PLCE1: variants seen among roughly 807,000 people sequenced by gnomAD.
The protein encoded by PLCE1 is 1-phosphatidylinositol 4,5-bisphosphate phosphodiesterase epsilon-1.
A neutral mutation model predicts 242.8 loss-of-function variants in PLCE1; 119 were observed. That is an observed-to-expected ratio of 0.49 (90% CI 0.42 to 0.57). The LOEUF is 0.57. Ranked by LOEUF, PLCE1 falls within the 20% of genes least tolerant of loss-of-function variation. PLCE1 has a pLI of 0.00. For missense variants in PLCE1, 2,441 were observed against 2,788.8 expected (o/e 0.88, Z 2.81); for synonymous variants, 945 against 1,017.4 (o/e 0.93, Z 1.35).
chr10:94,183,916 A>G (rs544489757), intron 4 of PLCE1, among the ~76,000 whole-genome samples: 134 of 152,240 alleles, frequency 8.8e-4, no homozygotes, highest in African/African-American at 3.1e-3. Flanking sequence ...GCACTAAGCT[A>G]TTCATAAGGG....
intron 23 of PLCE1, among the ~76,000 whole-genome samples, chr10:94,296,447 C>G (rs569767774): frequency 7.2e-5 from 11 of 151,962 alleles, no homozygotes; most frequent in African/African-American, 2.7e-4. Context: ...GAATAACTTA[C>G]TGTAGCTTCT....
At chr10:94,089,503 A>G in intron 2 of PLCE1, 1 of 601,896 alleles carries the variant, frequency 1.7e-6, no homozygotes, top group Non-Finnish European at 2.6e-6. Context: ...CATTTTACAA[A>G]GAAGATCAGA....
intron 19 of PLCE1, chr10:94,279,324 T>G (rs1427239085): frequency 1.2e-5 from 2 of 167,608 alleles, no homozygotes; most frequent in African/African-American, 4.8e-5. Flanking sequence ...TCTTTTGGCC[T>G]CTTTGTCCAT....
chr10:94,317,286 C>T (rs936543394), intron 29 of PLCE1, among the ~76,000 whole-genome samples: 5 of 152,094 alleles, frequency 3.3e-5, no homozygotes, highest in African/African-American at 7.2e-5. Flanking sequence ...TGTTTTCTCA[C>T]ACAAATAAAC....
At chr10:94,273,412 C>T (rs1345784198) in intron 18 of PLCE1, 150 bp from the exon 19 acceptor site, 4 of 763,522 alleles carry the variant, frequency 5.2e-6, no homozygotes, top group Non-Finnish European at 6.5e-6. Context: ...GGGGCAGGAG[C>T]AGGGGACAGC....
chr10:94,283,582 T>C (rs1370072633), intron 20 of PLCE1: 1 of 456,662 alleles, frequency 2.2e-6, no homozygotes, highest in Non-Finnish European at 4.2e-6. Context: ...AAACTACTGG[T>C]AAATAAATCA....
At position 94,140,617 on chromosome 10, in the gene PLCE1, T is replaced by G. The variant is rs777885832; in HGVS notation, c.1492+8158T>G. 4.3e-4 allele frequency among the ~76,000 whole-genome samples: 65 copies of G among 152,332 alleles called. No homozygotes were observed. In the Middle Eastern group the frequency reaches 0.014, roughly 32 times the overall value. Reference sequence around the variant, plus strand: ...GTATCTTTCTCTAAAGTTAATAGCTTTGAATAAAAAACAAGAAGTTATAGT... The same window carrying G: ...GTATCTTTCTCTAAAGTTAATAGCTGTGAATAAAAAACAAGAAGTTATAGT... On this transcript the variant is annotated intron_variant, in intron 3 of 32. Coordinates refer to ENST00000371380, the MANE Select transcript of PLCE1 (RefSeq NM_016341.4).
chr10:94,248,815 A>G (rs555933387), intron 8 of PLCE1, among the ~76,000 whole-genome samples: 11 of 152,314 alleles, frequency 7.2e-5, no homozygotes, highest in African/African-American at 2.4e-4. Flanking sequence ...CACAAAGTCT[A>G]TGTGGTTTAG....
intron 4 of PLCE1, among the ~76,000 whole-genome samples, chr10:94,192,929 A>G (rs1403486599): frequency 2.0e-5 from 3 of 152,178 alleles, no homozygotes; most frequent in Non-Finnish European, 2.9e-5. Context: ...AAAGGATACT[A>G]TTTTGCGATA....
intron 4 of PLCE1, among the ~76,000 whole-genome samples, chr10:94,217,364 C>T (rs181466222): frequency 1.2e-4 from 18 of 152,164 alleles, no homozygotes; most frequent in Admixed American, 2.0e-4. Flanking sequence ...CAGGATAGTT[C>T]GGAGCTAACA....
In PLCE1 at chr10:94,031,349, C is replaced by T. The variant is rs1024101614; in HGVS notation, c.303C>T (p.Asn101=). ...WEKIMPDSAK[N]LNINCNNILR... ...AAATCATGCCAGATTCTGCGAAAAA[C>T]CTTAACATTAACTGCAACAACATAT... The change falls in exon 2 of 33, where the codon AAC becomes AAT. Residue 101 remains asparagine, a synonymous_variant. Transcript: ENST00000371380. The T allele has an allele frequency of 1.9e-6, 3 of 1,613,756 alleles. No individual in the cohort carries two copies. In the African/African-American group the frequency reaches 4.0e-5, roughly 22 times the overall value.
intron 1 of PLCE1, among the ~76,000 whole-genome samples, chr10:94,026,796 G>T (rs986307229): frequency 1.3e-5 from 2 of 152,126 alleles, no homozygotes; most frequent in African/African-American, 4.8e-5. Flanking sequence ...AATTAAAATT[G>T]GAGTGGACCT....
chr10:94,091,207 A>G lies in PLCE1; in HGVS notation c.1207-40967A>G, dbSNP rs377252949. ...CGCCATGGATTATCTTTTCCTTCTT[A>G]ATGTGATCTTGATGAAGGTTTTACT... On this transcript the variant is annotated intron_variant, in intron 2 of 32. Transcript: ENST00000371380. Among the ~76,000 whole-genome samples, 24 of 152,274 alleles carry G rather than the reference A, an allele frequency of 1.6e-4. No individual in the cohort carries two copies. The East Asian group carries it at 2.5e-3, about 16-fold the overall frequency.
At chr10:94,106,687 T>A (rs2045747383) in intron 2 of PLCE1, among the ~76,000 whole-genome samples, 1 of 152,110 alleles carries the variant, frequency 6.6e-6, no homozygotes, top group African/African-American at 2.4e-5. Flanking sequence ...CCACAAATAG[T>A]GTCTTGCAGT....
At chr10:94,044,978 C>T (rs1457339063) in intron 2 of PLCE1, among the ~76,000 whole-genome samples, 1 of 152,052 alleles carries the variant, frequency 6.6e-6, no homozygotes, top group African/African-American at 2.4e-5. Flanking sequence ...CTTGAGCTAG[C>T]TCATCTTTTT....
intron 2 of PLCE1, among the ~76,000 whole-genome samples, chr10:94,057,593 G>A (rs747772333): frequency 2.6e-5 from 4 of 152,150 alleles, no homozygotes; most frequent in Non-Finnish European, 4.4e-5. Context: ...TCTCTCAGAA[G>A]AATTACCAAC....
At chr10:94,095,322 T>G (rs1203678995) in intron 2 of PLCE1, among the ~76,000 whole-genome samples, 1 of 119,226 alleles carries the variant, frequency 8.4e-6, no homozygotes, top group Non-Finnish European at 1.6e-5. Flanking sequence ...GCCTTTCAAT[T>G]TCTTTCTTTC....
chr10:94,304,804 G>C (rs558888273), intron 25 of PLCE1, among the ~76,000 whole-genome samples, 159 bp downstream of exon 25: 7 of 152,320 alleles, frequency 4.6e-5, no homozygotes, highest in African/African-American at 1.7e-4. Flanking sequence ...GGAAGCAGTA[G>C]CTATGGCTAG....
chr10:94,055,949 C>T (rs1400407995), intron 2 of PLCE1, among the ~76,000 whole-genome samples: 1 of 152,028 alleles, frequency 6.6e-6, no homozygotes, highest in African/African-American at 2.4e-5. Flanking sequence ...AATAAGAGTG[C>T]TTGTATCACT....
Sources: allele counts gnomAD v4.1 joint callset (sites outside exome capture counted in the v4.1 genomes callset), GRCh38; gene constraint gnomAD v4.1.1; transcripts MANE v1.5; gene names NCBI Gene and HGNC (gene_info 2026-07-23, HGNC 2026-07-21).